SUGCT: variants seen among roughly 807,000 people sequenced by gnomAD.
SUGCT encodes the protein succinyl-CoA:glutarate CoA-transferase.
A neutral mutation model predicts 55.0 loss-of-function variants in SUGCT; 41 were observed. That is an observed-to-expected ratio of 0.74 (90% CI 0.58 to 0.97). The LOEUF (loss-of-function observed/expected upper bound fraction) is 0.97. Ranked by LOEUF, SUGCT falls within the 50% of genes least tolerant of loss-of-function variation. The pLI, the probability that SUGCT is intolerant of heterozygous loss-of-function variation, is 0.00. For synonymous variants in SUGCT, 187 were observed against 200.4 expected, an observed-to-expected ratio of 0.93 and a Z score of 0.56; for missense variants, 568 against 547.8, an observed-to-expected ratio of 1.04 and a Z score of -0.37.
the SUGCT span, among the ~76,000 whole-genome samples, chr7:40,885,032 T>C: frequency 5.4e-4 from 82 of 152,246 alleles, 1 homozygote; most frequent in East Asian, 0.014. Flanking sequence ...TCCTGTTATA[T>C]GCATTAATGA....
intron 12 of SUGCT, among the ~76,000 whole-genome samples, chr7:40,627,519 A>G (rs1799577801): frequency 6.6e-6 from 1 of 152,110 alleles, no homozygotes. Flanking sequence ...TGAAGTTACA[A>G]AGTTGCACTT....
chr7:40,605,093 A>T (rs1160577246), intron 12 of SUGCT, among the ~76,000 whole-genome samples: 5 of 152,256 alleles, frequency 3.3e-5, no homozygotes, highest in Admixed American at 6.5e-5. Flanking sequence ...GCTTTTGCTA[A>T]CACGGGGGCA....
intron 13 of SUGCT, among the ~76,000 whole-genome samples, chr7:40,826,546 T>G (rs1383179934): frequency 2.0e-5 from 3 of 152,154 alleles, no homozygotes; most frequent in Non-Finnish European, 4.4e-5. Context: ...TTGCAAGCAT[T>G]GGGTGAAGAA....
chr7:40,760,195 G>T (rs1045330403), intron 13 of SUGCT, among the ~76,000 whole-genome samples: 1 of 152,034 alleles, frequency 6.6e-6, no homozygotes, highest in African/African-American at 2.4e-5. Context: ...GCTGACCTGG[G>T]GCTGGTTTTA....
chr7:40,173,913 C>G (rs1354260970), intron 1 of SUGCT, among the ~76,000 whole-genome samples: 3 of 143,982 alleles, frequency 2.1e-5, no homozygotes, highest in South Asian at 2.2e-4. Flanking sequence ...AATGTATATC[C>G]TGTGTGTGTG....
the SUGCT span, among the ~76,000 whole-genome samples, chr7:40,941,842 G>C: frequency 6.6e-6 from 1 of 151,876 alleles, no homozygotes; most frequent in Non-Finnish European, 1.5e-5. Flanking sequence ...TATTTTTACT[G>C]TTGTTGCCTT....
the SUGCT span, among the ~76,000 whole-genome samples, chr7:41,012,351 G>A: frequency 6.6e-6 from 1 of 152,130 alleles, no homozygotes; most frequent in Non-Finnish European, 1.5e-5. Flanking sequence ...ATGGCTAAAC[G>A]CAGTGGTTCA....
chr7:40,373,621 C>T (rs970170016), intron 9 of SUGCT, among the ~76,000 whole-genome samples: 5 of 151,882 alleles, frequency 3.3e-5, no homozygotes, highest in African/African-American at 1.2e-4. Context: ...TCATTCTGTT[C>T]CCAAATGCAT....
chr7:40,302,360 C>T (rs940427372), intron 8 of SUGCT, among the ~76,000 whole-genome samples: 1 of 152,206 alleles, frequency 6.6e-6, no homozygotes, highest in African/African-American at 2.4e-5. Flanking sequence ...TTATCCACTT[C>T]AGTGGCTTTA....
At chr7:40,790,321 A>G (rs1790247906) in intron 13 of SUGCT, among the ~76,000 whole-genome samples, 1 of 152,152 alleles carries the variant, frequency 6.6e-6, no homozygotes, top group East Asian at 1.9e-4. Flanking sequence ...GAAGAAGGAC[A>G]TGTTTGCCTC....
intron 9 of SUGCT, among the ~76,000 whole-genome samples, chr7:40,390,795 T>C (rs1057153014): frequency 1.3e-5 from 2 of 152,172 alleles, no homozygotes; most frequent in African/African-American, 4.8e-5. Context: ...TTAGAGTTCA[T>C]ATGGAACCAA....
chr7:40,352,446 A>T (rs564086195), intron 9 of SUGCT, among the ~76,000 whole-genome samples: 1 of 151,876 alleles, frequency 6.6e-6, no homozygotes, highest in South Asian at 2.1e-4. Flanking sequence ...TATTTTTTCA[A>T]TCCTCTCCCT....
At chr7:40,181,078 A>C in intron 2 of SUGCT, 80 bp downstream of exon 2, 2 of 993,080 alleles carry the variant, frequency 2.0e-6, no homozygotes, top group Non-Finnish European at 3.2e-6. Flanking sequence ...AATTATAAGA[A>C]GAGACTTATA....
chr7:40,972,199 A>T, the SUGCT span, among the ~76,000 whole-genome samples: 10 of 152,216 alleles, frequency 6.6e-5, no homozygotes, highest in Non-Finnish European at 1.2e-4. Context: ...TCCCGAAGCC[A>T]TTCTAAATGT....
chr7:40,843,584 G>A (rs1318675533), intron 13 of SUGCT, among the ~76,000 whole-genome samples: 1 of 152,038 alleles, frequency 6.6e-6, no homozygotes, highest in African/African-American at 2.4e-5. Flanking sequence ...AATGATGTGA[G>A]TAGATTTTAG....
chr7:40,273,586 T>A (rs1330400797), intron 7 of SUGCT, among the ~76,000 whole-genome samples: 15 of 152,204 alleles, frequency 9.9e-5, no homozygotes, highest in Admixed American at 7.2e-4. Context: ...TCTTTACATA[T>A]GGGCCAAGGA....
At chr7:40,868,071 T>C in the SUGCT span, among the ~76,000 whole-genome samples, 1 of 152,172 alleles carries the variant, frequency 6.6e-6, no homozygotes, top group Non-Finnish European at 1.5e-5. Flanking sequence ...GTGTCTGTAA[T>C]AGCCTTCAAG....
At chr7:40,963,122 T>G in the SUGCT span, among the ~76,000 whole-genome samples, 1 of 152,304 alleles carries the variant, frequency 6.6e-6, no homozygotes, top group East Asian at 1.9e-4. Flanking sequence ...CATTTCAAAA[T>G]TTACCTAATT....
At chr7:40,877,286 C>G in the SUGCT span, among the ~76,000 whole-genome samples, 3 of 152,312 alleles carry the variant, frequency 2.0e-5, no homozygotes, top group East Asian at 3.9e-4. Flanking sequence ...AAATGCGTGT[C>G]TGTATGTGTT....
Sources: gnomAD v4.1 joint callset for allele counts (sites outside exome capture counted in the v4.1 genomes callset) on GRCh38, gnomAD v4.1.1 for gene constraint, MANE v1.5 for transcripts, NCBI Gene and HGNC (gene_info 2026-07-23, HGNC 2026-07-21) for gene names.